LBP: variants seen among roughly 807,000 people sequenced by gnomAD.
LBP encodes the protein lipopolysaccharide binding protein.
In LBP, 53 loss-of-function variants were observed where a neutral mutation model predicts 56.6. That is an observed-to-expected ratio of 0.94 (90% confidence interval 0.75 to 1.18). The LOEUF (loss-of-function observed/expected upper bound fraction) is 1.18. LBP is among the 50% of genes most tolerant of loss of function. The pLI, the probability that LBP is intolerant of heterozygous loss-of-function variation, is 0.00. For synonymous variants in LBP, 227 were observed against 247.5 expected, an observed-to-expected ratio of 0.92 and a Z score of 0.78; for missense variants, 601 against 598.3, an observed-to-expected ratio of 1.00 and a Z score of -0.05.
rs764637052 is a variant in LBP, at chr20:38,364,671, C to T, written c.840C>T (p.Ala280=). ...AACACAACAAAATGGTCTACTTTGC[C>T]ATCTCGGATTATGTCTTCAACACGG... The part of the protein sequence containing the change: ...PEEHNKMVYF[A]ISDYVFNTAS... Residue 280 remains alanine, a synonymous_variant, in exon 8 of 15, where the codon GCC becomes GCT. Transcript: ENST00000217407. 1 of 1,614,146 alleles carries T rather than the reference C, an allele frequency of 6.2e-7. No homozygotes were observed. The highest frequency in any genetic ancestry group is 8.5e-7 in the Non-Finnish European group (1 of 1,180,024).
At chr20:38,372,964 T>C (rs2076905511) in intron 12 of LBP, 108 bp from the exon 13 acceptor site, 4 of 845,668 alleles carry the variant, frequency 4.7e-6, no homozygotes, top group Admixed American at 3.9e-5. Flanking sequence ...AATAGTAGCA[T>C]GATGTAATAC....
At chr20:38,376,292 G>GT (rs541864251) in intron 14 of LBP, among the ~76,000 whole-genome samples, 19 of 152,292 alleles carry the variant, frequency 1.2e-4, no homozygotes, top group Admixed American at 1.1e-3. Flanking sequence ...TGATGGAAAC[G>GT]TAAGAAGAGC....
rs1325469605 is a variant in LBP at position 38,369,105 on chromosome 20, A to G, written c.1092A>G (p.Ile364Met). The change falls in exon 10 of 15, where the codon ATA becomes ATG. Residue 364 changes from isoleucine to methionine, a missense_variant. Physicochemically the swap from Ile to Met is conservative, Grantham distance 10. Coordinates refer to ENST00000217407, the MANE Select transcript of LBP (RefSeq NM_004139.5). ...GNLSVDPYMEIDAFVLLPSSS... is the reference protein window; with the variant it reads ...GNLSVDPYMEMDAFVLLPSSS... ...TGTCTGTGGACCCCTATATGGAGAT[A>G]GATGCCTTTGTGCTCCTGCCCAGCT... 6.2e-7 allele frequency: 1 copy of G among 1,614,064 alleles called. No homozygotes were observed. The highest frequency in any genetic ancestry group is 8.5e-7 in the Non-Finnish European group (1 of 1,180,034).
rs116923710 is a variant in LBP, at chr20:38,349,270, G to A, written c.125-278G>A. ...AAGAAGGAGGACTATCCGTCCAAGC[G>A]CACAGCACTTTTGCCCTTGGGGATT... is the stretch of plus-strand genomic sequence containing the variant. On this transcript the variant is annotated intron_variant, in intron 1 of 14. Transcript: ENST00000217407. 8.5e-5 allele frequency among the ~76,000 whole-genome samples: 13 copies of A among 152,290 alleles called. No individual in the cohort carries two copies. The East Asian group carries it at 1.9e-3, about 23-fold the overall frequency.
rs1262897606 is a variant in LBP, at chr20:38,346,615, G to C, written c.99G>C (p.Arg33Ser). The change falls in exon 1 of 15, where the codon AGG becomes AGC. Residue 33 changes from arginine (R) to serine (S), a missense_variant. Transcript: ENST00000217407. ...ALGANPGLVA[R>S]ITDKGLQYAA... ...GTGCCAACCCCGGCTTGGTCGCCAG[G>C]ATCACCGACAAGGGACTGCAGTATG... 5 of 1,613,512 alleles carry C rather than the reference G, an allele frequency of 3.1e-6. No individual in the cohort carries two copies. The highest frequency in any genetic ancestry group is 4.2e-6 in the Non-Finnish European group (5 of 1,180,006).
intron 1 of LBP, among the ~76,000 whole-genome samples, chr20:38,348,739 A>G (rs1261187280): frequency 3.2e-5 from 4 of 125,768 alleles, no homozygotes; most frequent in African/African-American, 2.9e-5. Flanking sequence ...TGGCATGCCA[A>G]TGAGGAAAGT....
At chr20:38,351,061 C>A in intron 3 of LBP, 122 bp downstream of exon 3, 3 of 1,308,132 alleles carry the variant, frequency 2.3e-6, no homozygotes, top group South Asian at 2.9e-5. Flanking sequence ...GGAGTCCAAG[C>A]CCGGAGGTGG....
chr20:38,362,225 ATTT>A (rs988863576), intron 6 of LBP, among the ~76,000 whole-genome samples: 1 of 149,076 alleles, frequency 6.7e-6, no homozygotes. Context: ...CGTCTGGCTA[ATTT>A]TTTTTGTATT....
intron 12 of LBP, among the ~76,000 whole-genome samples, chr20:38,371,582 CT>C (rs2076901032): frequency 6.6e-6 from 1 of 152,116 alleles, no homozygotes; most frequent in Non-Finnish European, 1.5e-5. Context: ...TTGAAATCAT[CT>C]TAAGCAAAGA....
chr20:38,365,690 G>A (rs2076877996), intron 8 of LBP, among the ~76,000 whole-genome samples: 1 of 94,838 alleles, frequency 1.1e-5, no homozygotes, highest in Admixed American at 1.5e-4. Flanking sequence ...GAGTGAGACT[G>A]CATCTCAAAA....
In LBP at chr20:38,349,568, G is replaced by A; in HGVS notation, c.145G>A (p.Ala49Thr). 1 of 1,609,118 alleles carries A rather than the reference G, an allele frequency of 6.2e-7. No homozygotes were observed. The highest frequency in any genetic ancestry group is 1.7e-5 in the Admixed American group (1 of 59,422). ...CACAGCGGCCCAGGAGGGGCTATTA[G>A]CTCTGCAGAGTGAGCTGCTCAGGAT... is the stretch of plus-strand genomic sequence containing the variant. ...LQYAAQEGLL[A>T]LQSELLRITL... The change falls in exon 2 of 15, where the codon GCT (alanine) becomes ACT (threonine). Residue 49 changes from alanine to threonine, a missense_variant. Physicochemically the swap from Ala to Thr is moderately conservative, Grantham distance 58. Coordinates refer to ENST00000217407, the MANE Select transcript of LBP (RefSeq NM_004139.5).
chr20:38,352,482 C>T (rs753477343), intron 3 of LBP, among the ~76,000 whole-genome samples: 3 of 152,188 alleles, frequency 2.0e-5, no homozygotes, highest in Admixed American at 6.5e-5. Flanking sequence ...CAGCTGAGCA[C>T]GGTGGCTCAT....
intron 9 of LBP, among the ~76,000 whole-genome samples, 192 bp downstream of exon 9, chr20:38,367,020 A>T (rs3819023): frequency 6.6e-6 from 1 of 152,216 alleles, no homozygotes; most frequent in African/African-American, 2.4e-5. Context: ...TTGTGGGACC[A>T]CAGCTTGTCC....
intron 9 of LBP, among the ~76,000 whole-genome samples, chr20:38,368,231 G>C (rs943364589): frequency 7.9e-5 from 12 of 152,262 alleles, no homozygotes; most frequent in Middle Eastern, 3.4e-3. Context: ...GAGAAACCTT[G>C]GGAGAGGTAG....
intron 5 of LBP, among the ~76,000 whole-genome samples, chr20:38,356,108 GCACACACACAC>G (rs1452379950): frequency 2.9e-5 from 2 of 68,658 alleles, no homozygotes; most frequent in Non-Finnish European, 6.0e-5. Flanking sequence ...CTCCCTCCCA[GCACACACACAC>G]CACACACACA....
intron 14 of LBP, among the ~76,000 whole-genome samples, chr20:38,375,366 A>G (rs906891173): frequency 2.0e-5 from 3 of 151,768 alleles, no homozygotes; most frequent in Non-Finnish European, 4.4e-5. Context: ...GCAGATCATG[A>G]GGTCAAAAGT....
intron 9 of LBP, among the ~76,000 whole-genome samples, chr20:38,368,680 T>A (rs766832920): frequency 2.6e-5 from 4 of 152,166 alleles, no homozygotes; most frequent in Non-Finnish European, 5.9e-5. Flanking sequence ...CTGAAAAGAA[T>A]AGCCAAGGGT....
At chr20:38,361,688 A>G (rs1302669068) in intron 6 of LBP, among the ~76,000 whole-genome samples, 1 of 152,156 alleles carries the variant, frequency 6.6e-6, no homozygotes, top group Non-Finnish European at 1.5e-5. Flanking sequence ...GACAGGCACG[A>G]GCCACTGTGC....
Position 38,371,330 on chromosome 20 carries a change from G to A in LBP, c.1260+8G>A. On this transcript the variant is annotated splice_region_variant and intron_variant, in intron 12 of 14. Coordinates refer to ENST00000217407, the MANE Select transcript of LBP (RefSeq NM_004139.5). ...AAAGTTGGACTATTCAATGTAAGTTGTTTTTATTGATGACATGATTAGAAT... is the reference window on the plus strand; with the variant it reads ...AAAGTTGGACTATTCAATGTAAGTTATTTTTATTGATGACATGATTAGAAT... The A allele has an allele frequency of 6.3e-7, 1 of 1,587,736 alleles. No individual in the cohort carries two copies. The highest frequency in any genetic ancestry group is 1.1e-5 in the South Asian group (1 of 90,188).
Sources: allele counts gnomAD v4.1 joint callset (sites outside exome capture counted in the v4.1 genomes callset), GRCh38; gene constraint gnomAD v4.1.1; transcripts MANE v1.5; gene names NCBI Gene and HGNC (gene_info 2026-07-23, HGNC 2026-07-21).